SYNPR: variants seen among roughly 807,000 people sequenced by gnomAD.
The protein encoded by SYNPR is synaptoporin.
SYNPR carries 23 observed loss-of-function variants against 32.9 expected under a neutral mutation model. The observed-to-expected ratio is 0.70, with a 90% CI of 0.50 to 0.99. SYNPR has a LOEUF of 0.99. Ranked by LOEUF, SYNPR falls within the 50% of genes least tolerant of loss-of-function variation. The pLI, the probability that SYNPR is intolerant of heterozygous loss-of-function variation, is 0.00. For missense variants in SYNPR, 318 were observed against 349.3 expected, an observed-to-expected ratio of 0.91 and a Z score of 0.71; for synonymous variants, 146 against 135.9, an observed-to-expected ratio of 1.07 and a Z score of -0.52.
intron 2 of SYNPR, among the ~76,000 whole-genome samples, chr3:63,366,023 A>G (rs1189143459): frequency 6.6e-6 from 1 of 152,176 alleles, no homozygotes; most frequent in Non-Finnish European, 1.5e-5. Flanking sequence ...ATAATACTGA[A>G]CACTGCCTGT....
At chr3:63,522,072 AAATTT>A (rs1466414335) in intron 3 of SYNPR, among the ~76,000 whole-genome samples, 2 of 152,220 alleles carry the variant, frequency 1.3e-5, no homozygotes, top group Admixed American at 6.5e-5. Context: ...CAAGGTTGTC[AAATTT>A]AATTTAAGAA....
chr3:63,510,155 G>A (rs1368349631), intron 3 of SYNPR, among the ~76,000 whole-genome samples: 1 of 152,092 alleles, frequency 6.6e-6, no homozygotes, highest in Non-Finnish European at 1.5e-5. Context: ...AATTTGAAAG[G>A]ATTATGTGAT....
chr3:63,605,532 C>T (rs139774198), intron 4 of SYNPR, among the ~76,000 whole-genome samples: 27 of 152,262 alleles, frequency 1.8e-4, no homozygotes, highest in East Asian at 9.7e-4. Context: ...AGCTGCTATG[C>T]GTCAGGCACC....
chr3:63,525,124 G>T (rs973201086), intron 3 of SYNPR, among the ~76,000 whole-genome samples: 2 of 152,078 alleles, frequency 1.3e-5, no homozygotes, highest in Non-Finnish European at 2.9e-5. Flanking sequence ...TCAATGCAAG[G>T]AATTGACTAC....
chr3:63,559,283 G>T lies in SYNPR; in HGVS notation c.408+2542G>T, dbSNP rs185100812. ...GGTACAGACAGGATTTTACCATGTT[G>T]CCCAGGCTGGTCTTGAGCTCCTGGA... On this transcript the variant is annotated intron_variant, in intron 4 of 5. Coordinates refer to ENST00000478300, the MANE Select transcript of SYNPR (RefSeq NM_001130003.2). 9.9e-5 allele frequency among the ~76,000 whole-genome samples: 15 copies of T among 152,022 alleles called. 1 individual carries two copies. Among genetic ancestry groups the T allele is most frequent in the Admixed American group, 8.5e-4 (13 of 15,270 alleles).
chr3:63,546,466 A>G (rs1326434362), intron 3 of SYNPR, among the ~76,000 whole-genome samples: 1 of 152,100 alleles, frequency 6.6e-6, no homozygotes, highest in African/African-American at 2.4e-5. Flanking sequence ...TCTTTCTGGC[A>G]CATGGAAATG....
intron 2 of SYNPR, among the ~76,000 whole-genome samples, chr3:63,306,644 A>G (rs1353507861): frequency 6.6e-6 from 1 of 152,086 alleles, no homozygotes; most frequent in East Asian, 1.9e-4. Context: ...AATATGCTTA[A>G]TTATGACTTC....
chr3:63,432,979 G>A (rs1273976189), intron 2 of SYNPR, among the ~76,000 whole-genome samples: 1 of 152,212 alleles, frequency 6.6e-6, no homozygotes, highest in Non-Finnish European at 1.5e-5. Context: ...AGAGGTCAGG[G>A]TTTGGAACTG....
chr3:63,290,622 G>A (rs2086729282), intron 2 of SYNPR, among the ~76,000 whole-genome samples: 1 of 151,932 alleles, frequency 6.6e-6, no homozygotes, highest in Non-Finnish European at 1.5e-5. Flanking sequence ...TTCAAATTCA[G>A]AAATACGTTG....
In SYNPR at chr3:63,480,898, T is replaced by C; in HGVS notation, c.151T>C (p.Cys51Arg). The change falls in exon 3 of 6, where the codon TGC (cysteine) becomes CGC (arginine). Residue 51 changes from cysteine (C) to arginine (R), a missense_variant. By Grantham distance (180) the Cys-to-Arg change is radical. Coordinates refer to ENST00000478300, the MANE Select transcript of SYNPR (RefSeq NM_001130003.2). ...YSGGLRLSVDCVNKTESNLSI... is the reference protein window; with the variant it reads ...YSGGLRLSVDRVNKTESNLSI... ...TGGAGGCCTGCGGCTGAGTGTGGAC[T>C]GCGTCAACAAGACAGAAAGTAACCT... is the stretch of plus-strand genomic sequence containing the variant. 1.9e-6 allele frequency: 3 copies of C among 1,613,684 alleles called. No individual in the cohort carries two copies. The highest frequency in any genetic ancestry group is 2.5e-6 in the Non-Finnish European group (3 of 1,179,650).
At chr3:63,313,245 G>T (rs2086987800) in intron 2 of SYNPR, among the ~76,000 whole-genome samples, 2 of 151,554 alleles carry the variant, frequency 1.3e-5, no homozygotes, top group African/African-American at 4.8e-5. Context: ...TTTTTACTGG[G>T]GTACGGGTGG....
intron 2 of SYNPR, among the ~76,000 whole-genome samples, chr3:63,409,610 A>T (rs1031109662): frequency 5.3e-5 from 8 of 152,194 alleles, no homozygotes; most frequent in Non-Finnish European, 1.2e-4. Flanking sequence ...AATGCTCCTT[A>T]TAAATTTCAC....
At chr3:63,343,450 G>T (rs1397727425) in intron 2 of SYNPR, among the ~76,000 whole-genome samples, 2 of 152,194 alleles carry the variant, frequency 1.3e-5, no homozygotes, top group Non-Finnish European at 2.9e-5. Context: ...CCAGGGGCAT[G>T]GCACTGGTGG....
intron 2 of SYNPR, among the ~76,000 whole-genome samples, chr3:63,282,029 T>G (rs1009871168): frequency 3.3e-5 from 5 of 152,152 alleles, no homozygotes; most frequent in Admixed American, 6.5e-5. Context: ...TGGAACATAT[T>G]AATTAAAATA....
chr3:63,225,594 G>A (rs2086122395), upstream of SYNPR, among the ~76,000 whole-genome samples: 1 of 152,080 alleles, frequency 6.6e-6, no homozygotes, highest in Admixed American at 6.6e-5. Context: ...GGAAGGGAAG[G>A]GAAAGAAGTA....
rs546369134 is a variant in SYNPR, at chr3:63,573,368, AG to A, written c.408+16629del. On this transcript the variant is annotated intron_variant, in intron 4 of 5. Coordinates refer to ENST00000478300, the MANE Select transcript of SYNPR (RefSeq NM_001130003.2). The stretch of plus-strand genomic sequence containing the variant: ...TGGGAGCCAACCTCAGAACATTGTG[AG>A]GTTTCATCACACTCAAGATAAGAAG... Among the ~76,000 whole-genome samples, 229 of 152,174 alleles carry A rather than the reference AG, an allele frequency of 1.5e-3. 1 individual carries two copies. Among genetic ancestry groups the A allele is most frequent in the African/African-American group, 4.9e-3 (204 of 41,452 alleles).
intron 4 of SYNPR, among the ~76,000 whole-genome samples, chr3:63,567,932 C>T (rs1025582595): frequency 1.3e-5 from 2 of 152,226 alleles, no homozygotes; most frequent in Non-Finnish European, 2.9e-5. Context: ...AAGAAATAGA[C>T]AGCTAAGCTT....
rs914972253 is a variant in SYNPR at position 63,438,550 on chromosome 3, GAT to G, written c.85-42279_85-42278del. Among the ~76,000 whole-genome samples, 147 of 152,200 alleles carry G rather than the reference GAT, an allele frequency of 9.7e-4. No individual in the cohort carries two copies. The Middle Eastern group carries it at 0.027, about 28-fold the overall frequency. On this transcript the variant is annotated intron_variant, in intron 2 of 5. Transcript: ENST00000478300. ...CTAATGATCTAATAAATCTTCAAGT[GAT>G]ATTAATATTATTTTTATCTCGTTAG... is the stretch of plus-strand genomic sequence containing the variant.
At chr3:63,383,555 A>G (rs989057313) in intron 2 of SYNPR, among the ~76,000 whole-genome samples, 1 of 152,248 alleles carries the variant, frequency 6.6e-6, no homozygotes, top group East Asian at 1.9e-4. Flanking sequence ...CATTTCTGCT[A>G]AAATACAAAA....
Sources: allele counts gnomAD v4.1 joint callset (sites outside exome capture counted in the v4.1 genomes callset), GRCh38; gene constraint gnomAD v4.1.1; transcripts MANE v1.5; gene names NCBI Gene and HGNC (gene_info 2026-07-23, HGNC 2026-07-21).